The following FUT8 variants were observed in gnomAD, a reference collection of about 807,000 sequenced individuals.
FUT8 encodes the protein alpha-(1,6)-fucosyltransferase.
A neutral mutation model predicts 71.3 loss-of-function variants in FUT8; 29 were observed. The ratio of observed to expected loss-of-function variants is 0.41; its 90% CI spans 0.30 to 0.55. The LOEUF (loss-of-function observed/expected upper bound fraction) is 0.55, where lower values mean the gene tolerates loss of function less well. FUT8 is among the 20% of genes least tolerant of loss of function. FUT8 has a pLI of 0.34. For synonymous variants in FUT8, 254 were observed against 239.3 expected (o/e 1.06, Z -0.57); for missense variants, 544 against 702.1 (o/e 0.77, Z 2.55).
intron 1 of FUT8, among the ~76,000 whole-genome samples, chr14:65,422,350 A>ACT (rs1398743030): frequency 6.6e-6 from 1 of 152,154 alleles, no homozygotes; most frequent in African/African-American, 2.4e-5. Context: ...CATTTTCACC[A>ACT]AACAGTAGAG....
At chr14:65,570,218 T>C (rs1886397328) in intron 3 of FUT8, among the ~76,000 whole-genome samples, 1 of 152,086 alleles carries the variant, frequency 6.6e-6, no homozygotes, top group East Asian at 1.9e-4. Flanking sequence ...TGGAGAAAAC[T>C]GGCTATGTGT....
At chr14:65,623,727 T>TAAC (rs1443657436) in intron 5 of FUT8, among the ~76,000 whole-genome samples, 1 of 151,888 alleles carries the variant, frequency 6.6e-6, no homozygotes, top group Non-Finnish European at 1.5e-5. Context: ...CAAAAAACAA[T>TAAC]AACAACAACA....
intron 2 of FUT8, among the ~76,000 whole-genome samples, chr14:65,554,277 A>G (rs890098403): frequency 6.6e-6 from 1 of 151,432 alleles, no homozygotes; most frequent in Non-Finnish European, 1.5e-5. Context: ...TTTTGTTCAT[A>G]TTTACCATGA....
chr14:65,481,388 A>C (rs1300710122), intron 2 of FUT8, among the ~76,000 whole-genome samples: 1 of 151,650 alleles, frequency 6.6e-6, no homozygotes, highest in African/African-American at 2.4e-5. Flanking sequence ...CGTAACATAT[A>C]CTTTTTTTTT....
intron 2 of FUT8, among the ~76,000 whole-genome samples, chr14:65,512,226 C>T (rs576732135): frequency 5.3e-5 from 8 of 152,144 alleles, no homozygotes; most frequent in African/African-American, 1.2e-4. Flanking sequence ...TGCGGTGGCG[C>T]GATCTCGGCT....
chr14:65,626,774 T>A (rs1426091641), intron 5 of FUT8, among the ~76,000 whole-genome samples: 1 of 152,262 alleles, frequency 6.6e-6, no homozygotes, highest in African/African-American at 2.4e-5. Context: ...TTTTAGTTAA[T>A]ACAGTCATTG....
intron 1 of FUT8, among the ~76,000 whole-genome samples, chr14:65,419,089 A>T (rs1485045130): frequency 6.6e-6 from 1 of 152,012 alleles, no homozygotes; most frequent in African/African-American, 2.4e-5. Flanking sequence ...TTAGTCGGGC[A>T]TGGTGGCACA....
intron 2 of FUT8, among the ~76,000 whole-genome samples, chr14:65,473,620 A>G (rs1409144577): frequency 6.6e-6 from 1 of 152,220 alleles, no homozygotes; most frequent in Non-Finnish European, 1.5e-5. Flanking sequence ...CTGTAGTCCA[A>G]TAATTTAATA....
intron 6 of FUT8, among the ~76,000 whole-genome samples, chr14:65,632,154 A>C (rs2140270494): frequency 6.6e-6 from 1 of 152,304 alleles, no homozygotes; most frequent in East Asian, 1.9e-4. Context: ...TTGGTTCCAC[A>C]ATTTTGCATT....
chr14:65,576,209 A>G (rs951005682), intron 3 of FUT8, among the ~76,000 whole-genome samples: 4 of 152,242 alleles, frequency 2.6e-5, no homozygotes, highest in East Asian at 1.9e-4. Flanking sequence ...TTCTTTTTCA[A>G]TGGCTTCCAG....
intron 7 of FUT8, among the ~76,000 whole-genome samples, chr14:65,681,539 C>T (rs1001069462): frequency 6.6e-6 from 1 of 152,038 alleles, no homozygotes; most frequent in African/African-American, 2.4e-5. Context: ...ATTTTTATTT[C>T]TAATGTTTCC....
chr14:65,710,078 CTAA>C (rs1894739912), intron 7 of FUT8, among the ~76,000 whole-genome samples: 1 of 152,192 alleles, frequency 6.6e-6, no homozygotes, highest in Non-Finnish European at 1.5e-5. Flanking sequence ...TAAAACCTCA[CTAA>C]TAATCTCCCT....
the FUT8 span, among the ~76,000 whole-genome samples, chr14:65,371,217 G>C: frequency 1.3e-5 from 2 of 152,180 alleles, no homozygotes; most frequent in Non-Finnish European, 2.9e-5. Flanking sequence ...CCTGCAAAAC[G>C]ATCACACTTT....
At position 65,522,906 on chromosome 14, in the gene FUT8, C is replaced by A. The variant is rs199702822; in HGVS notation, c.-227-38431C>A. On this transcript the variant is annotated intron_variant, in intron 2 of 10. Transcript: ENST00000673929. ...ATCCCTACAAAGGACATGAACTCAT[C>A]CTTTTTTATGGCTGCATAGTATTCC... 6.6e-5 allele frequency among the ~76,000 whole-genome samples: 10 copies of A among 152,116 alleles called. 1 individual carries two copies. Among genetic ancestry groups the A allele is most frequent in the Admixed American group, 6.5e-4 (10 of 15,274 alleles).
chr14:65,709,838 G>T (rs1894729639), intron 7 of FUT8, among the ~76,000 whole-genome samples: 1 of 152,140 alleles, frequency 6.6e-6, no homozygotes, highest in South Asian at 2.1e-4. Flanking sequence ...CATACTCAAG[G>T]CACTTCTCTT....
At chr14:65,469,911 ACTGCAGT>A (rs1249456288) in intron 2 of FUT8, among the ~76,000 whole-genome samples, 1 of 152,144 alleles carries the variant, frequency 6.6e-6, no homozygotes, top group Non-Finnish European at 1.5e-5. Context: ...ACAAGCCCCC[ACTGCAGT>A]CTGCGGGACT....
intron 2 of FUT8, among the ~76,000 whole-genome samples, chr14:65,533,544 G>T (rs1884094450): frequency 6.6e-6 from 1 of 152,124 alleles, no homozygotes; most frequent in South Asian, 2.1e-4. Context: ...TTAGCTTATG[G>T]TGCTTTTGGG....
the FUT8 span, among the ~76,000 whole-genome samples, chr14:65,384,391 G>C: frequency 6.6e-6 from 1 of 152,086 alleles, no homozygotes; most frequent in Admixed American, 6.5e-5. The surrounding 1 kb of genome is among the most constrained non-coding windows in gnomAD (Gnocchi z 4.2). Flanking sequence ...GGGACTACAG[G>C]CATGCACCAC....
chr14:65,435,641 A>T (rs1023058078), intron 1 of FUT8, among the ~76,000 whole-genome samples: 6 of 152,224 alleles, frequency 3.9e-5, no homozygotes, highest in Non-Finnish European at 7.3e-5. Context: ...AGATTGCTGG[A>T]TGATATGGTA....
Sources: allele counts gnomAD v4.1 joint callset (sites outside exome capture counted in the v4.1 genomes callset), GRCh38; gene constraint gnomAD v4.1.1; non-coding constraint Gnocchi (gnomAD v3.1); transcripts MANE v1.5; gene names NCBI Gene and HGNC (gene_info 2026-07-23, HGNC 2026-07-21).